Variants in ZFAND3 observed in about 807,000 individuals in gnomAD.
The protein encoded by ZFAND3 is AN1-type zinc finger protein 3.
Under a neutral mutation model 29.6 loss-of-function variants are expected in ZFAND3, and 10 were observed. The ratio of observed to expected loss-of-function variants is 0.34; its 90% CI spans 0.21 to 0.57. The LOEUF is 0.57. Among genes scored for constraint, ZFAND3 ranks in the 20% least tolerant of loss-of-function variants. The probability of loss-of-function intolerance (pLI) is 0.86; values close to 1 mark genes in which losing one functional copy is unlikely to be tolerated. For missense variants in ZFAND3, 230 were observed against 304.5 expected, an observed-to-expected ratio of 0.76 and a Z score of 1.82; for synonymous variants, 128 against 112.6, an observed-to-expected ratio of 1.14 and a Z score of -0.87.
At chr6:37,902,564 A>G (rs933037835) in intron 1 of ZFAND3, among the ~76,000 whole-genome samples, 1 of 152,236 alleles carries the variant, frequency 6.6e-6, no homozygotes, top group South Asian at 2.1e-4. Flanking sequence ...AATGTTGTTC[A>G]TATCTTTTCA....
intron 2 of ZFAND3, among the ~76,000 whole-genome samples, chr6:37,992,714 A>G (rs116249689): frequency 1.6e-3 from 250 of 152,190 alleles, no homozygotes; most frequent in African/African-American, 5.7e-3. Flanking sequence ...TTGCCCCTCA[A>G]ATGTTTTTTA....
At chr6:37,847,838 T>G (rs1330644589) in intron 1 of ZFAND3, among the ~76,000 whole-genome samples, 1 of 152,232 alleles carries the variant, frequency 6.6e-6, no homozygotes, top group African/African-American at 2.4e-5. Flanking sequence ...TACATGAAAT[T>G]CAATTCAGTA....
intron 1 of ZFAND3, among the ~76,000 whole-genome samples, chr6:37,831,439 T>A (rs944293635): frequency 2.0e-5 from 3 of 152,244 alleles, no homozygotes; most frequent in Non-Finnish European, 4.4e-5. Context: ...CTATTGTGTG[T>A]CTTGAGCTAT....
chr6:37,934,822 G>C (rs1761666851), intron 2 of ZFAND3, among the ~76,000 whole-genome samples: 1 of 104,450 alleles, frequency 9.6e-6, no homozygotes, highest in Non-Finnish European at 1.7e-5. Context: ...CTGGGCAACA[G>C]AGTGAGACTC....
At chr6:37,980,279 T>C (rs1321458244) in intron 2 of ZFAND3, among the ~76,000 whole-genome samples, 1 of 152,170 alleles carries the variant, frequency 6.6e-6, no homozygotes, top group Non-Finnish European at 1.5e-5. Context: ...CCTGCCTCGC[T>C]TGGATGTAGT....
intron 2 of ZFAND3, among the ~76,000 whole-genome samples, chr6:38,030,051 G>GATATATATATATAT (rs58560520): frequency 2.1e-5 from 2 of 94,988 alleles, no homozygotes; most frequent in Non-Finnish European, 4.0e-5. Context: ...AGTTCTGCTG[G>GATATATATATATAT]ATATATATAT....
At chr6:37,845,568 TTTTATTGCTTTTTCG>T (rs1764163447) in intron 1 of ZFAND3, among the ~76,000 whole-genome samples, 1 of 152,160 alleles carries the variant, frequency 6.6e-6, no homozygotes, top group African/African-American at 2.4e-5. Context: ...AACTAACTTG[TTTTATTGCTTTTTCG>T]TACTGTGAGC....
chr6:38,111,313 G>A (rs771071443), intron 4 of ZFAND3, among the ~76,000 whole-genome samples: 14 of 152,254 alleles, frequency 9.2e-5, no homozygotes, highest in South Asian at 4.2e-4. Flanking sequence ...TGATTGTGTC[G>A]TACTGAACAT....
chr6:38,004,242 T>G (rs147176365), intron 2 of ZFAND3, among the ~76,000 whole-genome samples: 158 of 152,240 alleles, frequency 1.0e-3, no homozygotes, highest in African/African-American at 3.3e-3. Context: ...TGTCAAAAAC[T>G]CTTGTGTATT....
At chr6:37,955,271 C>G (rs960599153) in intron 2 of ZFAND3, among the ~76,000 whole-genome samples, 8 of 152,158 alleles carry the variant, frequency 5.3e-5, no homozygotes, top group African/African-American at 1.9e-4. Context: ...AACTTAGTCT[C>G]TCTCCATCTT....
intron 5 of ZFAND3, among the ~76,000 whole-genome samples, chr6:38,143,714 C>G (rs1044161113): frequency 4.6e-5 from 7 of 152,158 alleles, no homozygotes; most frequent in African/African-American, 1.4e-4. Context: ...GTTCCAGTGC[C>G]CTGGGCAGCT....
At chr6:37,977,942 T>G (rs1445041550) in intron 2 of ZFAND3, among the ~76,000 whole-genome samples, 2 of 150,718 alleles carry the variant, frequency 1.3e-5, no homozygotes, top group Non-Finnish European at 3.0e-5. Context: ...CCTTTCTTCC[T>G]TTCTTCCTTT....
At chr6:38,135,755 A>C (rs111937094) in intron 5 of ZFAND3, among the ~76,000 whole-genome samples, 10,375 of 152,124 alleles carry the variant, frequency 0.068, 422 homozygotes, top group Non-Finnish European at 0.087. Flanking sequence ...AATTAAAAAA[A>C]AAACAAACAA....
chr6:37,891,756 T>A (rs1276954940), intron 1 of ZFAND3, among the ~76,000 whole-genome samples: 1 of 151,958 alleles, frequency 6.6e-6, no homozygotes, highest in Admixed American at 6.6e-5. Context: ...TGAGACTGAG[T>A]CTCGCTCTGT....
chr6:38,003,775 G>T (rs933008802), intron 2 of ZFAND3: 2 of 449,450 alleles, frequency 4.4e-6, no homozygotes, highest in Non-Finnish European at 4.5e-6. Context: ...CAAAGTGCTG[G>T]GATTACAGGC....
chr6:38,099,004 G>A (rs903656593), intron 4 of ZFAND3, among the ~76,000 whole-genome samples: 1 of 152,112 alleles, frequency 6.6e-6, no homozygotes, highest in African/African-American at 2.4e-5. Flanking sequence ...TGTATTGGTG[G>A]AAAGTAATTC....
intron 1 of ZFAND3, among the ~76,000 whole-genome samples, chr6:37,835,594 G>T (rs1053661340): frequency 1.8e-4 from 28 of 151,498 alleles, no homozygotes; most frequent in African/African-American, 6.3e-4. Flanking sequence ...TATTTGTGTG[G>T]TAAAAAATTT....
At chr6:38,001,211 C>G (rs1328853224) in intron 2 of ZFAND3, among the ~76,000 whole-genome samples, 2 of 152,158 alleles carry the variant, frequency 1.3e-5, no homozygotes, top group African/African-American at 4.8e-5. Context: ...AAGTTACTTT[C>G]TCTTGACCTG....
chr6:37,862,512 T>C (rs917189338), intron 1 of ZFAND3, among the ~76,000 whole-genome samples: 4 of 149,250 alleles, frequency 2.7e-5, no homozygotes, highest in African/African-American at 7.4e-5. Flanking sequence ...TGAGACCCTA[T>C]CTTTCCAAAA....
Sources: gnomAD v4.1 joint callset for allele counts (sites outside exome capture counted in the v4.1 genomes callset) on GRCh38, gnomAD v4.1.1 for gene constraint, MANE v1.5 for transcripts, NCBI Gene and HGNC (gene_info 2026-07-23, HGNC 2026-07-21) for gene names.